Variants in RNF169 observed in about 807,000 individuals in gnomAD.
The protein encoded by RNF169 is E3 ubiquitin-protein ligase RNF169.
Under a neutral mutation model 53.9 loss-of-function variants are expected in RNF169, and 24 were observed. The ratio of observed to expected loss-of-function variants is 0.45; its 90% CI spans 0.32 to 0.63. The LOEUF (loss-of-function observed/expected upper bound fraction) is 0.63, where lower values mean the gene tolerates loss of function less well. Ranked by LOEUF, RNF169 falls within the 20% of genes least tolerant of loss-of-function variation. The pLI is 0.04. For synonymous variants in RNF169, 396 were observed against 363.5 expected (o/e 1.09, Z -1.02); for missense variants, 883 against 906.2 (o/e 0.97, Z 0.33).
intron 2 of RNF169, among the ~76,000 whole-genome samples, chr11:74,791,640 A>C (rs1324494964): frequency 1.3e-5 from 2 of 152,210 alleles, no homozygotes; most frequent in Non-Finnish European, 2.9e-5. Context: ...CTTGGTCACA[A>C]CTTTCCTTTG....
At chr11:74,758,868 G>A (rs1427416910) in intron 1 of RNF169, among the ~76,000 whole-genome samples, 2 of 150,148 alleles carry the variant, frequency 1.3e-5, no homozygotes, top group African/African-American at 2.5e-5. Flanking sequence ...AGCTTGATGG[G>A]GATGGCATTG....
intron 4 of RNF169, among the ~76,000 whole-genome samples, chr11:74,826,835 G>A (rs1475038183): frequency 1.3e-5 from 2 of 152,252 alleles, no homozygotes; most frequent in Non-Finnish European, 2.9e-5. Flanking sequence ...GGTGCAAGAG[G>A]TGGGCTCCCA....
At chr11:74,823,946 G>A (rs2036055257) in intron 4 of RNF169, among the ~76,000 whole-genome samples, 1 of 152,028 alleles carries the variant, frequency 6.6e-6, no homozygotes, top group Non-Finnish European at 1.5e-5. Context: ...CAGGGGTGGG[G>A]AGAGAATCTG....
intron 3 of RNF169, among the ~76,000 whole-genome samples, chr11:74,814,343 C>CA (rs1344501517): frequency 2.2e-5 from 3 of 139,464 alleles, no homozygotes; most frequent in South Asian, 4.7e-4. Flanking sequence ...AACAAACAAA[C>CA]AAAAAAAATA....
intron 4 of RNF169, among the ~76,000 whole-genome samples, chr11:74,829,333 CA>C (rs1365069478): frequency 1.3e-5 from 2 of 152,000 alleles, no homozygotes; most frequent in African/African-American, 4.8e-5. Context: ...ATTAAAAAGT[CA>C]AAAAACAACA....
intron 2 of RNF169, among the ~76,000 whole-genome samples, chr11:74,808,500 A>C (rs2035834355): frequency 3.3e-5 from 5 of 152,210 alleles, no homozygotes; most frequent in African/African-American, 1.2e-4. Flanking sequence ...GGGAGGCAGA[A>C]TAATTCTTGG....
chr11:74,756,115 T>C (rs2034978896), intron 1 of RNF169, among the ~76,000 whole-genome samples: 1 of 152,112 alleles, frequency 6.6e-6, no homozygotes, highest in Admixed American at 6.5e-5. Context: ...ACTTCAGTCA[T>C]TCATTAATTT....
intron 3 of RNF169, among the ~76,000 whole-genome samples, chr11:74,814,527 G>A (rs1043786361): frequency 6.6e-6 from 1 of 151,362 alleles, no homozygotes; most frequent in Non-Finnish European, 1.5e-5. Flanking sequence ...GACCACAGGC[G>A]CCTATTACAT....
intron 1 of RNF169, among the ~76,000 whole-genome samples, chr11:74,757,178 T>G (rs1234777031): frequency 5.8e-5 from 7 of 119,974 alleles, no homozygotes; most frequent in Non-Finnish European, 1.0e-4. Flanking sequence ...CCCCAGAGTG[T>G]GATAGTCCCC....
At chr11:74,754,788 C>T (rs507247) in intron 1 of RNF169, among the ~76,000 whole-genome samples, 28,127 of 152,118 alleles carry the variant, frequency 0.18, 2,815 homozygotes, top group South Asian at 0.38. Context: ...CCACTGCACT[C>T]CAGTCTGGGC....
chr11:74,819,570 A>G (rs925797250), intron 4 of RNF169, among the ~76,000 whole-genome samples: 4 of 152,226 alleles, frequency 2.6e-5, no homozygotes, highest in Non-Finnish European at 5.9e-5. Flanking sequence ...ATGTTTGAAT[A>G]AGACAGGCCT....
Position 74,765,770 on chromosome 11 carries a change from C to CCAGCCTGGGCAACAACCG in RNF169, c.502+16403_502+16420dup, listed in dbSNP as rs1171120147. 1.2e-4 allele frequency among the ~76,000 whole-genome samples: 18 copies of CCAGCCTGGGCAACAACCG among 151,126 alleles called. 1 individual carries two copies. Among genetic ancestry groups the CCAGCCTGGGCAACAACCG allele is most frequent in the African/African-American group, 3.4e-4 (14 of 41,190 alleles). ...TGAGCTGAGATTGCGCCATTGCACT[C>CCAGCCTGGGCAACAACCG]CAGCCTGGGCAACAACCGCAGCCTG... On this transcript the variant is annotated intron_variant, in intron 1 of 5. Coordinates refer to ENST00000299563, the MANE Select transcript of RNF169 (RefSeq NM_001098638.2).
intron 2 of RNF169, among the ~76,000 whole-genome samples, chr11:74,798,598 T>G (rs1278001108): frequency 6.6e-6 from 1 of 152,210 alleles, no homozygotes; most frequent in African/African-American, 2.4e-5. Flanking sequence ...TCCACTTGCC[T>G]TGTGATATTC....
chr11:74,766,136 GA>G (rs2035170967), intron 1 of RNF169, among the ~76,000 whole-genome samples: 2 of 152,136 alleles, frequency 1.3e-5, no homozygotes, highest in Admixed American at 6.5e-5. Context: ...CCATGAATTT[GA>G]AAAATTGGAT....
intron 1 of RNF169, among the ~76,000 whole-genome samples, chr11:74,775,250 G>A (rs2035316083): frequency 6.6e-6 from 1 of 152,162 alleles, no homozygotes; most frequent in Non-Finnish European, 1.5e-5. Flanking sequence ...GATGAGGTCT[G>A]AACACCTGTG....
At chr11:74,798,815 T>C (rs2035686972) in intron 2 of RNF169, among the ~76,000 whole-genome samples, 1 of 152,094 alleles carries the variant, frequency 6.6e-6, no homozygotes, top group South Asian at 2.1e-4. Context: ...GGCCGATGCT[T>C]AAGGAAAATG....
rs2034834174 is a variant in RNF169 at position 74,748,885 on chromosome 11, C to T, written c.5C>T (p.Ala2Val). 4.9e-6 allele frequency: 7 copies of T among 1,416,418 alleles called. No individual in the cohort carries two copies. The highest frequency in any genetic ancestry group is 6.5e-6 in the Non-Finnish European group (7 of 1,073,860). 87.7% of individuals were successfully genotyped at this position (1,416,418 alleles called of 1,614,324 possible). A position where few individuals can be genotyped will look rare whatever the true frequency, so the allele number is the denominator to read the frequency against. The change falls in exon 1 of 6, where the codon GCG becomes GTG. Residue 2 changes from alanine to valine, a missense_variant. Coordinates refer to ENST00000299563, the MANE Select transcript of RNF169 (RefSeq NM_001098638.2). Reference protein sequence around the residue: MAAAGPSTRASS... With the variant: MVAAGPSTRASS... ...TCCCTTCAAACGGGAAACAAGATGGCGGCTGCAGGTCCGAGTACTCGGGCC... is the reference window on the plus strand; with the variant it reads ...TCCCTTCAAACGGGAAACAAGATGGTGGCTGCAGGTCCGAGTACTCGGGCC...
At chr11:74,760,232 T>G (rs1335701442) in intron 1 of RNF169, among the ~76,000 whole-genome samples, 1 of 152,146 alleles carries the variant, frequency 6.6e-6, no homozygotes, top group Non-Finnish European at 1.5e-5. Context: ...TAGTGGTCTA[T>G]CAATTTTGTT....
intron 1 of RNF169, among the ~76,000 whole-genome samples, chr11:74,771,364 A>G (rs572681107): frequency 2.0e-5 from 3 of 152,322 alleles, no homozygotes; most frequent in South Asian, 2.1e-4. Context: ...GGAAAATTCT[A>G]CATATAAGTA....
Sources: allele counts gnomAD v4.1 joint callset (sites outside exome capture counted in the v4.1 genomes callset), GRCh38; gene constraint gnomAD v4.1.1; transcripts MANE v1.5; gene names NCBI Gene and HGNC (gene_info 2026-07-23, HGNC 2026-07-21).